The following AKR1C8 variants were observed in gnomAD, a reference collection of about 807,000 sequenced individuals.
AKR1C8 encodes aldo-keto reductase family 1 member C8, also known as aldo-keto reductase family 1 member C-like protein 1.
At chr10:5,132,686 A>G in the AKR1C8 span, 2 of 1,589,072 alleles carry the variant, frequency 1.3e-6, no homozygotes, top group Non-Finnish European at 1.7e-6. Context: ...GCTCCTCATT[A>G]TTGTATAAAT....
At chr10:5,165,008 A>G in the AKR1C8 span, among the ~76,000 whole-genome samples, 44,039 of 152,096 alleles carry the variant, frequency 0.29, 7,114 homozygotes, top group Non-Finnish European at 0.36. Context: ...CCAGTGTTGT[A>G]GTAATCAGGA....
the AKR1C8 span, among the ~76,000 whole-genome samples, chr10:5,139,514 G>A: frequency 2.0e-5 from 3 of 152,254 alleles, no homozygotes; most frequent in East Asian, 5.8e-4. Context: ...ACAACCATCT[G>A]ATCTTTGATA....
At chr10:5,141,721 ATC>A in the AKR1C8 span, among the ~76,000 whole-genome samples, 2 of 152,148 alleles carry the variant, frequency 1.3e-5, no homozygotes, top group East Asian at 1.9e-4. Context: ...TTTGAAAGGA[ATC>A]TCTATTTTTG....
the AKR1C8 span, among the ~76,000 whole-genome samples, chr10:5,120,281 C>T: frequency 6.6e-6 from 1 of 152,108 alleles, no homozygotes; most frequent in African/African-American, 2.4e-5. Flanking sequence ...GTGGGTAAGA[C>T]TCTGTGGCTC....
At chr10:5,157,493 G>C in the AKR1C8 span, 2 of 281,220 alleles carry the variant, frequency 7.1e-6, no homozygotes, top group Admixed American at 4.7e-5. Flanking sequence ...CCCTCTCGTC[G>C]ATCCTTCCAC....
the AKR1C8 span, among the ~76,000 whole-genome samples, chr10:5,159,092 A>G: frequency 6.6e-6 from 1 of 152,186 alleles, no homozygotes; most frequent in Non-Finnish European, 1.5e-5. Flanking sequence ...GATAAGAATG[A>G]CAATGACGCA....
At chr10:5,176,408 G>C in the AKR1C8 span, among the ~76,000 whole-genome samples, 1 of 144,994 alleles carries the variant, frequency 6.9e-6, no homozygotes, top group Non-Finnish European at 1.5e-5. Context: ...AAGTCAGGTA[G>C]TGTGATGCCT....
chr10:5,135,640 A>C, the AKR1C8 span, among the ~76,000 whole-genome samples: 1 of 152,076 alleles, frequency 6.6e-6, no homozygotes, highest in African/African-American at 2.4e-5. Context: ...ATTAATTATC[A>C]TATGTTGGAC....
At chr10:5,163,258 T>G in the AKR1C8 span, among the ~76,000 whole-genome samples, 1 of 152,182 alleles carries the variant, frequency 6.6e-6, no homozygotes, top group South Asian at 2.1e-4. Context: ...CATGTCTCAT[T>G]CCATATCAAT....
chr10:5,121,080 C>CT, the AKR1C8 span, among the ~76,000 whole-genome samples: 105 of 151,926 alleles, frequency 6.9e-4, 1 homozygote, highest in Non-Finnish European at 3.4e-4. Flanking sequence ...AGAGGCTTTT[C>CT]TTTTTTTGAT....
chr10:5,119,908 T>G, the AKR1C8 span, among the ~76,000 whole-genome samples: 2 of 152,220 alleles, frequency 1.3e-5, no homozygotes, highest in African/African-American at 2.4e-5. Context: ...CCATAACATG[T>G]ATCTCTAATA....
At chr10:5,138,662 G>T in the AKR1C8 span, among the ~76,000 whole-genome samples, 3 of 152,080 alleles carry the variant, frequency 2.0e-5, no homozygotes. Flanking sequence ...TATTATTTGG[G>T]AACTGATAAA....
the AKR1C8 span, among the ~76,000 whole-genome samples, chr10:5,135,469 AATT>A: frequency 2.0e-5 from 3 of 152,132 alleles, no homozygotes; most frequent in African/African-American, 4.8e-5. Context: ...GTCAGAATAA[AATT>A]ATTATTTTCT....
chr10:5,153,873 G>A, the AKR1C8 span, among the ~76,000 whole-genome samples: 1 of 152,064 alleles, frequency 6.6e-6, no homozygotes, highest in Admixed American at 6.6e-5. Context: ...AAATCATGAA[G>A]GAAAATGCAT....
chr10:5,169,089 G>A, the AKR1C8 span, among the ~76,000 whole-genome samples: 1 of 79,010 alleles, frequency 1.3e-5, no homozygotes, highest in Non-Finnish European at 3.2e-5. Context: ...ACAAAAACAG[G>A]TCATAGGTCC....
the AKR1C8 span, among the ~76,000 whole-genome samples, chr10:5,163,586 T>C: frequency 2.0e-5 from 3 of 152,154 alleles, no homozygotes; most frequent in African/African-American, 7.2e-5. Flanking sequence ...GCCTCCTAAG[T>C]CTTCCCTTCT....
the AKR1C8 span, chr10:5,123,526 G>T: frequency 1.7e-6 from 1 of 589,750 alleles, no homozygotes; most frequent in Non-Finnish European, 3.0e-6. Flanking sequence ...TGTTCATTCT[G>T]CACCAGAGCG....
chr10:5,132,581 T>A, the AKR1C8 span: 4 of 1,519,026 alleles, frequency 2.6e-6, no homozygotes, highest in Non-Finnish European at 3.6e-6. Context: ...TGTGCATGCA[T>A]GCTTATCATA....
the AKR1C8 span, among the ~76,000 whole-genome samples, chr10:5,175,219 T>C: frequency 6.7e-6 from 1 of 150,228 alleles, no homozygotes; most frequent in African/African-American, 2.4e-5. Context: ...ACTGAGAATG[T>C]GCGATGTTTG....
Sources: gnomAD v4.1 joint callset for allele counts (sites outside exome capture counted in the v4.1 genomes callset) on GRCh38, gnomAD v4.1.1 for gene constraint, MANE v1.5 for transcripts, NCBI Gene and HGNC (gene_info 2026-07-23, HGNC 2026-07-21) for gene names.